NCAM1: variants seen among roughly 807,000 people sequenced by gnomAD.
NCAM1 encodes the protein neural cell adhesion molecule 1.
In NCAM1, 14 loss-of-function variants were observed where a neutral mutation model predicts 109.8. The observed-to-expected ratio is 0.13, with a 90% CI of 0.08 to 0.20. The LOEUF (loss-of-function observed/expected upper bound fraction) is 0.20. Among genes scored for constraint, NCAM1 ranks in the 10% least tolerant of loss-of-function variants. NCAM1 has a pLI of 1.00. For synonymous variants in NCAM1, 418 were observed against 442.9 expected (o/e 0.94, Z 0.70); for missense variants, 774 against 1,109.9 (o/e 0.70, Z 4.30).
intron 1 of NCAM1, among the ~76,000 whole-genome samples, chr11:113,109,598 A>G (rs17114858): frequency 0.027 from 4,130 of 152,256 alleles, 184 homozygotes; most frequent in African/African-American, 0.094. Context: ...GATTACACAT[A>G]AGAATTGTCC....
chr11:113,038,226 A>G (rs1555079485), intron 1 of NCAM1, among the ~76,000 whole-genome samples: 1 of 152,086 alleles, frequency 6.6e-6, no homozygotes, highest in Non-Finnish European at 1.5e-5. Context: ...CCCTAAATCG[A>G]TGTCCCAGCC....
At chr11:113,228,546 A>G (rs1555116648) in intron 9 of NCAM1, among the ~76,000 whole-genome samples, 1 of 152,232 alleles carries the variant, frequency 6.6e-6, no homozygotes, top group Admixed American at 6.5e-5. Flanking sequence ...CCATCAAGCT[A>G]CCAATGACTT....
At chr11:113,243,416 T>C (rs1945400528) in intron 14 of NCAM1, 3 of 355,886 alleles carry the variant, frequency 8.4e-6, no homozygotes, top group South Asian at 2.1e-5. Flanking sequence ...GGCTCCCGCC[T>C]CAGTGCTAGA....
chr11:113,152,042 A>G (rs1942243435), intron 1 of NCAM1, among the ~76,000 whole-genome samples: 2 of 152,174 alleles, frequency 1.3e-5, no homozygotes, highest in Admixed American at 6.5e-5. Flanking sequence ...GGGTCATTTA[A>G]GTGTACATTT....
At chr11:112,967,806 T>G (rs1950768567) in intron 1 of NCAM1, among the ~76,000 whole-genome samples, 1 of 152,298 alleles carries the variant, frequency 6.6e-6, no homozygotes, top group African/African-American at 2.4e-5. Context: ...TTGTGAATAC[T>G]TCAGAGAAAA....
chr11:112,980,609 G>T (rs1951127819), intron 1 of NCAM1, among the ~76,000 whole-genome samples: 2 of 151,600 alleles, frequency 1.3e-5, no homozygotes, highest in South Asian at 2.1e-4. Flanking sequence ...AACCATGAAA[G>T]TTTATTTATT....
In NCAM1 at chr11:113,203,596, G is replaced by A. The variant is rs143559149; in HGVS notation, c.128-690G>A. Reference sequence around the variant, plus strand: ...CTGTTCCAGCTCAGTGCCGGGGGCAGCTCAGCCACCACAGTCTGTTCCTCC... The same window carrying A: ...CTGTTCCAGCTCAGTGCCGGGGGCAACTCAGCCACCACAGTCTGTTCCTCC... On this transcript the variant is annotated intron_variant, in intron 2 of 19. Transcript: ENST00000316851. Among the ~76,000 whole-genome samples the A allele has an allele frequency of 4.9e-3, 751 of 152,356 alleles. 7 individuals are homozygous for A. Among genetic ancestry groups the A allele is most frequent in the Non-Finnish European group, 6.5e-3 (444 of 68,040 alleles).
At chr11:113,008,518 A>G (rs1283007344) in intron 1 of NCAM1, among the ~76,000 whole-genome samples, 1 of 152,220 alleles carries the variant, frequency 6.6e-6, no homozygotes, top group Non-Finnish European at 1.5e-5. Context: ...CCCATATATT[A>G]GTTGCAAATT....
At chr11:113,208,290 G>A (rs2136956007) in intron 7 of NCAM1, among the ~76,000 whole-genome samples, 1 of 152,274 alleles carries the variant, frequency 6.6e-6, no homozygotes, top group South Asian at 2.1e-4. Context: ...CTGTTTGAAA[G>A]CCTCCAGTGG....
At chr11:112,991,863 G>C (rs1373264385) in intron 1 of NCAM1, among the ~76,000 whole-genome samples, 1 of 152,150 alleles carries the variant, frequency 6.6e-6, no homozygotes, top group Non-Finnish European at 1.5e-5. Context: ...TTGTTTTAAT[G>C]ATGGGTAATG....
chr11:113,233,068 G>T lies in NCAM1; in HGVS notation c.1523-79G>T. On this transcript the variant is annotated intron_variant, in intron 12 of 19. Transcript: ENST00000316851. This position sits in a 1 kb window ranked among gnomAD's most constrained non-coding sequence, Gnocchi z 4.5. ...CCCAAGAGTGAGCAGAAATGACAGAGATGTGCCTTGTGACTGAGAGTTAAT... is the reference window on the plus strand; with the variant it reads ...CCCAAGAGTGAGCAGAAATGACAGATATGTGCCTTGTGACTGAGAGTTAAT... 1 of 1,387,650 alleles carries T rather than the reference G, an allele frequency of 7.2e-7. No homozygotes were observed. Among genetic ancestry groups the T allele is most frequent in the Non-Finnish European group, 1.0e-6 (1 of 1,003,920 alleles). 86.0% of individuals were successfully genotyped at this position (1,387,650 alleles called of 1,614,324 possible).
At chr11:112,983,419 G>A (rs1334090415) in intron 1 of NCAM1, among the ~76,000 whole-genome samples, 1 of 106,572 alleles carries the variant, frequency 9.4e-6, no homozygotes, top group Non-Finnish European at 2.3e-5. Context: ...CAAAAATTTG[G>A]ATTTTTTTTT....
At chr11:113,079,997 AT>A (rs1938716491) in intron 1 of NCAM1, among the ~76,000 whole-genome samples, 1 of 152,224 alleles carries the variant, frequency 6.6e-6, no homozygotes, top group African/African-American at 2.4e-5. Flanking sequence ...ATACATTATA[AT>A]TTAGCTACAA....
intron 1 of NCAM1, among the ~76,000 whole-genome samples, chr11:113,113,069 T>G (rs1439571622): frequency 6.6e-6 from 1 of 152,004 alleles, no homozygotes; most frequent in South Asian, 2.1e-4. Flanking sequence ...GAGACAGAGG[T>G]TGCAGTGAGC....
intron 1 of NCAM1, among the ~76,000 whole-genome samples, chr11:113,107,602 A>G (rs1940231906): frequency 6.6e-6 from 1 of 152,134 alleles, no homozygotes; most frequent in South Asian, 2.1e-4. Context: ...GGCAAGAGAG[A>G]GAATGAGAAC....
chr11:113,066,990 C>T (rs888892511), intron 1 of NCAM1, among the ~76,000 whole-genome samples: 13 of 117,576 alleles, frequency 1.1e-4, no homozygotes, highest in African/African-American at 1.0e-4. Context: ...GGTGACAGAG[C>T]GAGAACCCCT....
intron 17 of NCAM1, chr11:113,263,247 T>G: frequency 9.5e-7 from 1 of 1,050,866 alleles, no homozygotes; most frequent in Non-Finnish European, 1.1e-6. Flanking sequence ...TGCTACTTGT[T>G]GCATTTTGGG....
At chr11:113,091,427 G>A (rs1235758398) in intron 1 of NCAM1, among the ~76,000 whole-genome samples, 8 of 152,112 alleles carry the variant, frequency 5.3e-5, no homozygotes, top group Admixed American at 1.3e-4. Context: ...AGTGCCAGAC[G>A]TAGTTCACTG....
At chr11:113,014,284 C>G (rs747975424) in intron 1 of NCAM1, among the ~76,000 whole-genome samples, 2 of 152,012 alleles carry the variant, frequency 1.3e-5, no homozygotes, top group African/African-American at 4.8e-5. Flanking sequence ...AAAGAGATAT[C>G]CTAGCTCAGG....
Sources: gnomAD v4.1 joint callset for allele counts (sites outside exome capture counted in the v4.1 genomes callset) on GRCh38, gnomAD v4.1.1 for gene constraint, Gnocchi (gnomAD v3.1) non-coding constraint, MANE v1.5 for transcripts, NCBI Gene and HGNC (gene_info 2026-07-23, HGNC 2026-07-21) for gene names.